Variants in EPHA4 observed in about 807,000 individuals in gnomAD.
The protein encoded by EPHA4 is ephrin type-A receptor 4.
Under a neutral mutation model 108.3 loss-of-function variants are expected in EPHA4, and 19 were observed. That is an observed-to-expected ratio of 0.18 (90% CI 0.12 to 0.26). The LOEUF (loss-of-function observed/expected upper bound fraction) is 0.26. EPHA4 is among the 10% of genes least tolerant of loss of function. EPHA4 has a pLI of 1.00. For synonymous variants in EPHA4, 449 were observed against 455.5 expected, an observed-to-expected ratio of 0.99 and a Z score of 0.18; for missense variants, 917 against 1,254.0, an observed-to-expected ratio of 0.73 and a Z score of 4.06.
intron 4 of EPHA4, among the ~76,000 whole-genome samples, chr2:221,498,604 G>A (rs1432660936): frequency 6.6e-6 from 1 of 151,516 alleles, no homozygotes; most frequent in East Asian, 1.9e-4. Context: ...CCTATTTACA[G>A]TTTTTCTGTT....
intron 4 of EPHA4, among the ~76,000 whole-genome samples, chr2:221,488,088 A>G (rs922490895): frequency 1.3e-5 from 2 of 152,106 alleles, no homozygotes; most frequent in East Asian, 1.9e-4. Context: ...CAACTACTCA[A>G]CTCTGTAATT....
intron 8 of EPHA4, among the ~76,000 whole-genome samples, chr2:221,455,185 T>G (rs1293229286): frequency 6.6e-6 from 1 of 152,196 alleles, no homozygotes; most frequent in Non-Finnish European, 1.5e-5. Flanking sequence ...ATGGCAGAGC[T>G]CAAAATTGGG....
intron 4 of EPHA4, among the ~76,000 whole-genome samples, chr2:221,486,012 A>T (rs1427390155): frequency 6.6e-6 from 1 of 152,202 alleles, no homozygotes; most frequent in Admixed American, 6.5e-5. Context: ...TCTTTCATTT[A>T]TGTAAGTATT....
chr2:221,573,212 G>C (rs1694902633), upstream of EPHA4: 2 of 152,304 alleles, frequency 1.3e-5, no homozygotes, highest in Admixed American at 6.5e-5. This position sits in a 1 kb window ranked among gnomAD's most constrained non-coding sequence, Gnocchi z 4.5. Flanking sequence ...GCGGGGACTT[G>C]CAGCCGCACA....
chr2:221,443,063 T>C, intron 10 of EPHA4, 49 bp from the exon 11 acceptor site: 3 of 927,464 alleles, frequency 3.2e-6, no homozygotes, highest in Non-Finnish European at 3.1e-6. Flanking sequence ...ACATTCAAGA[T>C]GAAAGAATAA....
chr2:221,419,461 T>G lies in EPHA4; in HGVS notation c.*1911A>C, dbSNP rs1374117875. 3 of 152,668 alleles carry G rather than the reference T, an allele frequency of 2.0e-5. No individual in the cohort carries two copies. Among genetic ancestry groups the G allele is most frequent in the African/African-American group, 7.2e-5 (3 of 41,446 alleles). The allele number at this position is 152,668 out of a possible 1,614,324, so 9.5% of individuals were successfully genotyped here. The stretch of plus-strand genomic sequence containing the variant: ...ACATATCTACGTTCATCTCCAAAAG[T>G]ATATGAATTGCATATATTCGTTCGC... On this transcript the variant is annotated 3_prime_UTR_variant, in exon 18 of 18. Transcript: ENST00000281821.
chr2:221,505,766 C>T lies in EPHA4; in HGVS notation c.824-4594G>A, dbSNP rs918561199. Among the ~76,000 whole-genome samples, 5 of 152,178 alleles carry T rather than the reference C, an allele frequency of 3.3e-5. No homozygotes were observed. The South Asian group carries it at 6.2e-4, about 19-fold the overall frequency. The stretch of plus-strand genomic sequence containing the variant: ...CTGCCGTGTGCACACACATGCTACT[C>T]TTGCAAACGCAGGGTGCTGAAAGTG... On this transcript the variant is annotated intron_variant, in intron 3 of 17. Coordinates refer to ENST00000281821, the MANE Select transcript of EPHA4 (RefSeq NM_004438.5).
chr2:221,566,975 A>G (rs147387638), intron 2 of EPHA4, among the ~76,000 whole-genome samples: 86 of 102,812 alleles, frequency 8.4e-4, no homozygotes, highest in Middle Eastern at 4.3e-3. Context: ...AAGAGGAAGA[A>G]GAAGAAGAAG....
At chr2:221,459,882 G>A (rs368348895) in intron 5 of EPHA4, among the ~76,000 whole-genome samples, 22 of 152,130 alleles carry the variant, frequency 1.4e-4, no homozygotes, top group East Asian at 5.8e-4. Context: ...ACTTTCTCTC[G>A]GAAATGGTCT....
At position 221,482,558 on chromosome 2, in the gene EPHA4, G is replaced by T. The variant is rs201391619; in HGVS notation, c.1112C>A (p.Ala371Asp). The T allele has an allele frequency of 2.5e-6, 4 of 1,614,056 alleles. No homozygotes were observed. The highest frequency in any genetic ancestry group is 2.5e-6 in the Non-Finnish European group (3 of 1,179,974). ...SYNVVCKKCGAGDPSKCRPCG... is the reference protein window; with the variant it reads ...SYNVVCKKCGDGDPSKCRPCG... ...GGGTCGGCACTTGCTGGGGTCACCA[G>T]CTCCACATTTCTTGCATACCACATT... Residue 371 changes from alanine to aspartate, a missense_variant, in exon 5 of 18, where the codon GCT (alanine) becomes GAT (aspartate). By Grantham distance (126) the Ala-to-Asp change is moderately radical. Coordinates refer to ENST00000281821, the MANE Select transcript of EPHA4 (RefSeq NM_004438.5).
At chr2:221,552,610 G>A (rs10204366) in intron 3 of EPHA4, among the ~76,000 whole-genome samples, 1,711 of 152,316 alleles carry the variant, frequency 0.011, 36 homozygotes, top group African/African-American at 0.039. Context: ...GCCATTGCCA[G>A]GCTGGGCACT....
intron 4 of EPHA4, among the ~76,000 whole-genome samples, chr2:221,498,527 T>C (rs10188510): frequency 6.6e-6 from 1 of 151,852 alleles, no homozygotes; most frequent in Non-Finnish European, 1.5e-5. Flanking sequence ...CAAACAAAAG[T>C]GGCCACGCAG....
intron 3 of EPHA4, among the ~76,000 whole-genome samples, chr2:221,525,421 AAGAG>A (rs1181569796): frequency 6.6e-6 from 1 of 152,110 alleles, no homozygotes; most frequent in Non-Finnish European, 1.5e-5. Context: ...AGATGAGGGA[AAGAG>A]AGAGAGATAT....
chr2:221,569,979 G>T lies in EPHA4; in HGVS notation c.92-1194C>A, dbSNP rs1316525196. On this transcript the variant is annotated intron_variant, in intron 1 of 17. Transcript: ENST00000281821. ...TGGGTCGCTCCCGCCTGGAGTTCCC[G>T]CCCCCTTCCCTCCTCTCCTCTCCCC... 2.7e-5 allele frequency among the ~76,000 whole-genome samples: 4 copies of T among 148,558 alleles called. No individual in the cohort carries two copies. The Admixed American group carries it at 2.7e-4, about 10-fold the overall frequency.
chr2:221,506,961 T>A (rs1400555377), intron 3 of EPHA4, among the ~76,000 whole-genome samples: 1 of 152,222 alleles, frequency 6.6e-6, no homozygotes, highest in Non-Finnish European at 1.5e-5. Context: ...AGAGAACATT[T>A]CACTTAATTT....
At chr2:221,446,293 A>G (rs112868293) in intron 8 of EPHA4, 112 bp from the exon 9 acceptor site, 3 of 479,756 alleles carry the variant, frequency 6.3e-6, no homozygotes, top group African/African-American at 2.0e-5. Flanking sequence ...TGCTATGTAC[A>G]TTTCAGAGAT....
Position 221,497,394 on chromosome 2 carries a change from C to G in EPHA4, c.979+3623G>C, listed in dbSNP as rs115485155. ...GGCGTCGCCATCAGCACTTTGTTTC[C>G]TCTTAACTGAAGTGCTGCATATAAA... is the stretch of plus-strand genomic sequence containing the variant. On this transcript the variant is annotated intron_variant, in intron 4 of 17. Coordinates refer to ENST00000281821, the MANE Select transcript of EPHA4 (RefSeq NM_004438.5). Among the ~76,000 whole-genome samples, 506 of 152,216 alleles carry G rather than the reference C, an allele frequency of 3.3e-3. 5 individuals are homozygous for G. Among genetic ancestry groups the G allele is most frequent in the African/African-American group, 0.012 (489 of 41,518 alleles).
At chr2:221,447,565 C>A (rs1445477980) in intron 8 of EPHA4, among the ~76,000 whole-genome samples, 3 of 152,166 alleles carry the variant, frequency 2.0e-5, no homozygotes. Context: ...AGCAATCAGA[C>A]CCTCAGAGCC....
chr2:221,467,511 AATC>A (rs1175719217), intron 5 of EPHA4, among the ~76,000 whole-genome samples: 1 of 152,246 alleles, frequency 6.6e-6, no homozygotes, highest in Non-Finnish European at 1.5e-5. Context: ...GCAACTTTTT[AATC>A]ATTATACTGA....
Sources: allele counts gnomAD v4.1 joint callset (sites outside exome capture counted in the v4.1 genomes callset), GRCh38; gene constraint gnomAD v4.1.1; non-coding constraint Gnocchi (gnomAD v3.1); transcripts MANE v1.5; gene names NCBI Gene and HGNC (gene_info 2026-07-23, HGNC 2026-07-21).